C4orf51: variants seen among roughly 807,000 people sequenced by gnomAD.
C4orf51 encodes chromosome 4 open reading frame 51.
C4orf51 carries 25 observed loss-of-function variants against 25.2 expected under a neutral mutation model. The ratio of observed to expected loss-of-function variants is 0.99; its 90% confidence interval spans 0.72 to 1.39. The LOEUF is 1.39. Among genes scored for constraint, C4orf51 ranks in the 40% most tolerant of loss-of-function variants. C4orf51 has a pLI of 0.00. For missense variants in C4orf51, 252 were observed against 239.6 expected (o/e 1.05, Z -0.34); for synonymous variants, 100 against 84.5 (o/e 1.18, Z -1.01).
intron 1 of C4orf51, among the ~76,000 whole-genome samples, chr4:145,749,063 G>GTA (rs142948635): frequency 0.16 from 22,037 of 139,572 alleles, 1,755 homozygotes; most frequent in Middle Eastern, 0.2. Context: ...GTGTGTGTGT[G>GTA]TGTATATATA....
intron 2 of C4orf51, among the ~76,000 whole-genome samples, chr4:145,719,004 G>T (rs751943467): frequency 6.6e-6 from 1 of 152,096 alleles, no homozygotes; most frequent in African/African-American, 2.4e-5. Context: ...CTATCTTGAT[G>T]CCTGCTTTGC....
chr4:145,709,072 C>A lies in C4orf51; in HGVS notation c.307+12440C>A, dbSNP rs144400766. Among the ~76,000 whole-genome samples, 15 of 152,244 alleles carry A rather than the reference C, an allele frequency of 9.9e-5. No homozygotes were observed. In the East Asian group the frequency reaches 1.9e-3, roughly 20 times the overall value. ...CTCATGGGAAGCCTTCATATGCTCA[C>A]AAAAACAGCAACCCTTGGATTCTAG... On this transcript the variant is annotated intron_variant, in intron 2 of 5. Coordinates refer to ENST00000438731, the MANE Select transcript of C4orf51 (RefSeq NM_001080531.3).
At chr4:145,774,668 G>A (rs765731862), downstream of C4orf51, 1 of 1,613,464 alleles carries the variant, frequency 6.2e-7, no homozygotes, top group East Asian at 2.2e-5. Context: ...CCACACACGT[G>A]ACAACTACAT....
intron 2 of C4orf51, among the ~76,000 whole-genome samples, chr4:145,720,942 G>A (rs939319422): frequency 6.6e-6 from 1 of 152,158 alleles, no homozygotes; most frequent in Admixed American, 6.5e-5. Context: ...CACTCACCAC[G>A]GCGTGAGCTG....
In C4orf51 at chr4:145,732,529, G is replaced by A; in HGVS notation, c.578G>A (p.Gly193Asp). The change falls in exon 6 of 6, where the codon GGC becomes GAC. Residue 193 changes from glycine (G) to aspartate (D), a missense_variant. Transcript: ENST00000438731. ...GAAGCTGATCGATACTCCGATTATG[G>A]CTGGGGAGGACCCTCATCGCCATTT... is the stretch of plus-strand genomic sequence containing the variant. ...DSEADRYSDY[G>D]WGGPSSPFN is the part of the protein sequence containing the mutation. The A allele has an allele frequency of 1.2e-6, 2 of 1,610,604 alleles. No individual in the cohort carries two copies. The highest frequency in any genetic ancestry group is 1.7e-6 in the Non-Finnish European group (2 of 1,178,818).
At chr4:145,726,761 C>T (rs141812698) in intron 2 of C4orf51, 150 bp from the exon 3 acceptor site, 104 of 627,504 alleles carry the variant, frequency 1.7e-4, no homozygotes, top group Admixed American at 3.2e-4. Flanking sequence ...ACAAAACTTA[C>T]TCCTCTTATG....
At chr4:145,694,405 C>G (rs1225312256) in intron 1 of C4orf51, among the ~76,000 whole-genome samples, 1 of 133,594 alleles carries the variant, frequency 7.5e-6, no homozygotes. Flanking sequence ...CCAGCCGCCC[C>G]GTCTGGGAGG....
chr4:145,734,827 A>G (rs1467649787), downstream of C4orf51, among the ~76,000 whole-genome samples: 1 of 152,212 alleles, frequency 6.6e-6, no homozygotes, highest in Non-Finnish European at 1.5e-5. Context: ...CCAGATAGGC[A>G]TGGTCAAGGC....
intron 1 of C4orf51, among the ~76,000 whole-genome samples, chr4:145,753,496 CAG>C (rs1733791296): frequency 6.6e-6 from 1 of 152,092 alleles, no homozygotes; most frequent in Admixed American, 6.5e-5. Flanking sequence ...TGGGAAGAAA[CAG>C]AGAAAACCCC....
chr4:145,732,953 C>G (rs139405509), downstream of C4orf51, among the ~76,000 whole-genome samples: 1 of 152,158 alleles, frequency 6.6e-6, no homozygotes, highest in East Asian at 1.9e-4. Flanking sequence ...GAGCGGTCAC[C>G]CAGCAGAGCC....
At chr4:145,710,962 C>T (rs1731099475) in intron 2 of C4orf51, among the ~76,000 whole-genome samples, 2 of 152,094 alleles carry the variant, frequency 1.3e-5, no homozygotes, top group African/African-American at 4.8e-5. Context: ...TTAGATTTTC[C>T]TATTATCTAA....
downstream of C4orf51, among the ~76,000 whole-genome samples, chr4:145,733,234 C>T (rs916923562): frequency 6.6e-6 from 1 of 152,090 alleles, no homozygotes; most frequent in Non-Finnish European, 1.5e-5. Flanking sequence ...CTCCTTCTTC[C>T]TCCACGGCCC....
At chr4:145,738,134 A>C (rs1385030484) in intron 1 of C4orf51, among the ~76,000 whole-genome samples, 2 of 152,168 alleles carry the variant, frequency 1.3e-5, no homozygotes, top group Non-Finnish European at 2.9e-5. Flanking sequence ...AAGACTTTTT[A>C]AGCTCTTTGG....
At position 145,695,464 on chromosome 4, in the gene C4orf51, A is replaced by G. The variant is rs149196106; in HGVS notation, c.234-1095A>G. 2.1e-3 allele frequency among the ~76,000 whole-genome samples: 320 copies of G among 152,194 alleles called. 5 individuals are homozygous for G. The highest frequency in any genetic ancestry group is 5.2e-3 in the African/African-American group (216 of 41,506). On this transcript the variant is annotated intron_variant, in intron 1 of 5. Transcript: ENST00000438731. ...TTTTCTTGCAAATTTAAGTCCCTTT[A>G]GATGCCAGATATTAGACCTTTGTCA...
chr4:145,726,226 G>A (rs928499008), intron 2 of C4orf51, among the ~76,000 whole-genome samples: 1 of 152,254 alleles, frequency 6.6e-6, no homozygotes. Context: ...GAACAGTGTG[G>A]TATTTTAACA....
chr4:145,741,661 G>A (rs1733106068), intron 1 of C4orf51, among the ~76,000 whole-genome samples: 1 of 152,118 alleles, frequency 6.6e-6, no homozygotes, highest in Admixed American at 6.5e-5. Flanking sequence ...CTTTTGGCGA[G>A]AGCTAGGATG....
At chr4:145,697,059 C>CA (rs1433827877) in intron 2 of C4orf51, among the ~76,000 whole-genome samples, 17 of 151,340 alleles carry the variant, frequency 1.1e-4, no homozygotes, top group African/African-American at 3.6e-4. Context: ...ACCAACCAAC[C>CA]AACCAAACAA....
At position 145,761,513 on chromosome 4, in the gene C4orf51, G is replaced by A. The variant is rs1021281712; in HGVS notation, n.167-9475G>A. On this transcript the variant is annotated intron_variant and non_coding_transcript_variant, in intron 1 of 1. Coordinates refer to the C4orf51 transcript ENST00000510096. This position sits in a 1 kb window ranked among gnomAD's most constrained non-coding sequence, Gnocchi z 6.8. ...TTGGCCTTCACCGTCTGGCAGATCC[G>A]GCACTTGTACTCCATCTTGTAGTGG... The A allele has an allele frequency of 7.8e-7, 1 of 1,289,646 alleles. No homozygotes were observed. Among genetic ancestry groups the A allele is most frequent in the African/African-American group, 1.5e-5 (1 of 65,864 alleles). The allele number at this position is 1,289,646 out of a possible 1,614,324, so 79.9% of individuals were successfully genotyped here.
chr4:145,772,933 CACG>C (rs1391973386), downstream of C4orf51, among the ~76,000 whole-genome samples: 1 of 152,174 alleles, frequency 6.6e-6, no homozygotes, highest in African/African-American at 2.4e-5. Context: ...AGTTTCCACT[CACG>C]ACAATTAAAT....
Sources: gnomAD v4.1 joint callset for allele counts (sites outside exome capture counted in the v4.1 genomes callset) on GRCh38, gnomAD v4.1.1 for gene constraint, Gnocchi (gnomAD v3.1) non-coding constraint, MANE v1.5 for transcripts, NCBI Gene and HGNC (gene_info 2026-07-23, HGNC 2026-07-21) for gene names.